GABRR2: variants seen among roughly 807,000 people sequenced by gnomAD.
The protein encoded by GABRR2 is gamma-aminobutyric acid receptor subunit rho-2.
GABRR2 carries 36 observed loss-of-function variants against 47.0 expected under a neutral mutation model. That is an observed-to-expected ratio of 0.77 (90% confidence interval 0.59 to 1.01). The LOEUF (loss-of-function observed/expected upper bound fraction) is 1.01. Ranked by LOEUF, GABRR2 falls within the 50% of genes least tolerant of loss-of-function variation. The pLI is 0.00. For missense variants in GABRR2, 587 were observed against 594.6 expected (o/e 0.99, Z 0.13); for synonymous variants, 204 against 227.5 (o/e 0.90, Z 0.93).
chr6:89,302,115 T>G, intron 1 of GABRR2: 3 of 617,006 alleles, frequency 4.9e-6, no homozygotes, highest in Non-Finnish European at 9.3e-6. Flanking sequence ...GGTGCGGAGC[T>G]GGTGGATTCC....
At chr6:89,272,097 G>C (rs1774065455) in intron 2 of GABRR2, among the ~76,000 whole-genome samples, 1 of 152,186 alleles carries the variant, frequency 6.6e-6, no homozygotes, top group Admixed American at 6.5e-5. Flanking sequence ...ATCTGAAAAA[G>C]AGAATGAGGC....
At chr6:89,295,582 G>C (rs1017879058) in intron 2 of GABRR2, among the ~76,000 whole-genome samples, 2 of 152,104 alleles carry the variant, frequency 1.3e-5, no homozygotes, top group Non-Finnish European at 2.9e-5. Flanking sequence ...TAGGTTGCCT[G>C]TTCACTCTGA....
chr6:89,257,972 TGCACGGGAACTATGG>T lies in GABRR2; in HGVS notation c.1087-6_1095del. On this transcript the variant is annotated splice_acceptor_variant and splice_polypyrimidine_tract_variant and coding_sequence_variant and intron_variant, in exon 9 of 9. Coordinates refer to ENST00000402938, the MANE Select transcript of GABRR2 (RefSeq NM_002043.5). LOFTEE classifies it high-confidence loss of function. The stretch of plus-strand genomic sequence containing the variant: ...GTTTTTGAATGAAGCATTCCACACA[TGCACGGGAACTATGG>T]GCAGCAAGCACAAAGAACATCATTA... 6.2e-7 allele frequency: 1 copy of T among 1,613,146 alleles called. No homozygotes were observed. Among genetic ancestry groups the T allele is most frequent in the Non-Finnish European group, 8.5e-7 (1 of 1,179,472 alleles).
Position 89,275,720 on chromosome 6 carries a change from G to A in GABRR2, c.221-3998C>T, listed in dbSNP as rs1245927222. On this transcript the variant is annotated intron_variant, in intron 2 of 8. Coordinates refer to ENST00000402938, the MANE Select transcript of GABRR2 (RefSeq NM_002043.5). ...AATTCAGGAGGGGAATTGAGAGGCAGAGAGATGCTTTTGATGACTTCAAGG... is the reference window on the plus strand; with the variant it reads ...AATTCAGGAGGGGAATTGAGAGGCAAAGAGATGCTTTTGATGACTTCAAGG... Among the ~76,000 whole-genome samples, 4 of 152,356 alleles carry A rather than the reference G, an allele frequency of 2.6e-5. No individual in the cohort carries two copies. In the South Asian group the frequency reaches 6.2e-4, roughly 24 times the overall value.
intron 1 of GABRR2, among the ~76,000 whole-genome samples, chr6:89,306,033 A>G (rs1164647811): frequency 3.3e-5 from 5 of 151,954 alleles, no homozygotes; most frequent in South Asian, 2.1e-4. Context: ...ATGAGAAAAA[A>G]AGAAAAAGAA....
chr6:89,268,092 T>C lies in GABRR2; in HGVS notation c.517A>G (p.Thr173Ala), dbSNP rs1391614859. 1 of 1,607,512 alleles carries C rather than the reference T, an allele frequency of 6.2e-7. No homozygotes were observed. Among genetic ancestry groups the C allele is most frequent in the South Asian group, 1.1e-5 (1 of 89,774 alleles). ...DGHVLYSMRITVTAMCNMDFS... is the reference protein window; with the variant it reads ...DGHVLYSMRIAVTAMCNMDFS... ...TCCATGTTGCACATGGCAGTGACCG[T>C]AATCCTAGACAACCCAGAGTCACAT... is the stretch of plus-strand genomic sequence containing the variant. The change falls in exon 5 of 9, where the codon ACG (threonine) becomes GCG (alanine). Residue 173 changes from threonine to alanine, a missense_variant. Transcript: ENST00000402938.
intron 2 of GABRR2, among the ~76,000 whole-genome samples, chr6:89,290,441 C>A (rs537638922): frequency 2.8e-4 from 42 of 152,354 alleles, no homozygotes; most frequent in African/African-American, 9.9e-4. Flanking sequence ...TGCAGCAGTG[C>A]CCTCAGGGGC....
intron 2 of GABRR2, among the ~76,000 whole-genome samples, chr6:89,273,698 T>C (rs949850526): frequency 6.6e-6 from 1 of 152,208 alleles, no homozygotes; most frequent in African/African-American, 2.4e-5. Context: ...TGGCCAGAGC[T>C]GTCTCCTAGT....
Position 89,257,766 on chromosome 6 carries a change from G to C in GABRR2, c.1302C>G (p.Ile434Met). The C allele has an allele frequency of 6.2e-7, 1 of 1,613,962 alleles. No homozygotes were observed. Among genetic ancestry groups the C allele is most frequent in the Non-Finnish European group, 8.5e-7 (1 of 1,179,814 alleles). Residue 434 changes from isoleucine to methionine, a missense_variant, in exon 9 of 9, where the codon ATC becomes ATG. Transcript: ENST00000402938. The stretch of plus-strand genomic sequence containing the variant: ...TGTCAATGGCATGGGTATTCTGGAA[G>C]ATACGAAAACCCGTCTGGCCCTTCA... ...GLLKGQTGFR[I>M]FQNTHAIDKY...
intron 2 of GABRR2, among the ~76,000 whole-genome samples, chr6:89,276,366 C>G (rs994673497): frequency 6.6e-6 from 1 of 151,776 alleles, no homozygotes; most frequent in African/African-American, 2.4e-5. Context: ...AACTGGAAAA[C>G]TATAAAACTT....
intron 8 of GABRR2, among the ~76,000 whole-genome samples, chr6:89,260,613 C>T (rs1180901729): frequency 6.6e-6 from 1 of 152,172 alleles, no homozygotes; most frequent in African/African-American, 2.4e-5. Flanking sequence ...CAGCTTTTAC[C>T]TTTACAGAGT....
chr6:89,302,973 C>A (rs189631573), intron 1 of GABRR2: 3 of 1,299,912 alleles, frequency 2.3e-6, no homozygotes, highest in Non-Finnish European at 3.2e-6. Flanking sequence ...AGGGCATGGA[C>A]GAGATGGAGA....
chr6:89,308,803 T>C (rs548261555), intron 1 of GABRR2, among the ~76,000 whole-genome samples: 1 of 152,334 alleles, frequency 6.6e-6, no homozygotes, highest in African/African-American at 2.4e-5. Flanking sequence ...TAGACTCAAA[T>C]TGATTTGTGC....
chr6:89,277,874 G>GC (rs1554197113), intron 2 of GABRR2, among the ~76,000 whole-genome samples: 1 of 136,876 alleles, frequency 7.3e-6, no homozygotes, highest in Non-Finnish European at 1.6e-5. Context: ...GGGGTGGGGG[G>GC]GGGTGGGGGC....
intron 1 of GABRR2, among the ~76,000 whole-genome samples, chr6:89,305,460 C>G (rs1038327529): frequency 6.6e-6 from 1 of 152,216 alleles, no homozygotes; most frequent in East Asian, 1.9e-4. Flanking sequence ...AGGCAGATCA[C>G]TTGAGCCCAG....
rs1414426180 is a variant in GABRR2 at position 89,276,079 on chromosome 6, A to AATTATAAATCATTATTTATATTATATAC, written c.221-4385_221-4358dup. Among the ~76,000 whole-genome samples the AATTATAAATCATTATTTATATTATATAC allele has an allele frequency of 2.9e-4, 43 of 147,814 alleles. 2 individuals carry two copies. In the South Asian group the frequency reaches 8.0e-3, roughly 28 times the overall value. ...AATTATAATATAAAATATAAATATAAATTATAAATCATTATTTATATTATA... is the reference window on the plus strand; with the variant it reads ...AATTATAATATAAAATATAAATATAAATTATAAATCATTATTTATATTATATACATTATAAATCATTATTTATATTATA... On this transcript the variant is annotated intron_variant, in intron 2 of 8. Coordinates refer to ENST00000402938, the MANE Select transcript of GABRR2 (RefSeq NM_002043.5).
intron 8 of GABRR2, among the ~76,000 whole-genome samples, chr6:89,261,903 G>T (rs1048861048): frequency 5.9e-5 from 9 of 152,202 alleles, no homozygotes; most frequent in African/African-American, 1.7e-4. Context: ...GCTGGGCGGG[G>T]TGGCGCATGC....
rs923677043 is a variant in GABRR2 at position 89,290,877 on chromosome 6, A to G, written c.220+8882T>C. On this transcript the variant is annotated intron_variant, in intron 2 of 8. Transcript: ENST00000402938. ...TACAGCTCTTTTCCAGGCTCAGGTAACTGCTTCCTCCTCTCACACTCAGGC... is the reference window on the plus strand; with the variant it reads ...TACAGCTCTTTTCCAGGCTCAGGTAGCTGCTTCCTCCTCTCACACTCAGGC... Among the ~76,000 whole-genome samples, 15 of 152,210 alleles carry G rather than the reference A, an allele frequency of 9.9e-5. No homozygotes were observed. The Middle Eastern group carries it at 0.01, about 104-fold the overall frequency.
At chr6:89,312,034 G>A (rs1767690289) in intron 1 of GABRR2, among the ~76,000 whole-genome samples, 1 of 152,046 alleles carries the variant, frequency 6.6e-6, no homozygotes, top group Non-Finnish European at 1.5e-5. Flanking sequence ...GCCGAGGTAG[G>A]GGTAGTGAGG....
Sources: gnomAD v4.1 joint callset for allele counts (sites outside exome capture counted in the v4.1 genomes callset) on GRCh38, gnomAD v4.1.1 for gene constraint, MANE v1.5 for transcripts, NCBI Gene and HGNC (gene_info 2026-07-23, HGNC 2026-07-21) for gene names.